PDE11A: variants seen among roughly 807,000 people sequenced by gnomAD.
PDE11A encodes the protein dual 3',5'-cyclic-AMP and -GMP phosphodiesterase 11A.
PDE11A carries 100 observed loss-of-function variants against 100.5 expected under a neutral mutation model. The ratio of observed to expected loss-of-function variants is 1.00; its 90% CI spans 0.85 to 1.18. The LOEUF is 1.18. Among genes scored for constraint, PDE11A ranks in the 50% most tolerant of loss-of-function variants. The pLI is 0.00. For synonymous variants in PDE11A, 381 were observed against 420.8 expected (o/e 0.91, Z 1.16); for missense variants, 1,141 against 1,152.6 (o/e 0.99, Z 0.15).
At chr2:177,776,772 A>G (rs1275592697) in intron 9 of PDE11A, among the ~76,000 whole-genome samples, 2 of 152,218 alleles carry the variant, frequency 1.3e-5, no homozygotes, top group Non-Finnish European at 2.9e-5. Flanking sequence ...TCTGCAAGCC[A>G]GAAAGATAGC....
intron 2 of PDE11A, among the ~76,000 whole-genome samples, chr2:178,004,630 GAA>G (rs1239253395): frequency 6.6e-6 from 1 of 152,184 alleles, no homozygotes; most frequent in Non-Finnish European, 1.5e-5. Context: ...ATAAATCAGA[GAA>G]GAGTTTATAA....
At chr2:178,024,043 G>A (rs2086446302) in intron 1 of PDE11A, among the ~76,000 whole-genome samples, 1 of 152,152 alleles carries the variant, frequency 6.6e-6, no homozygotes, top group Non-Finnish European at 1.5e-5. Context: ...TTGGTAGGGG[G>A]AGGGGCCCTG....
chr2:177,866,365 C>T, intron 5 of PDE11A, among the ~76,000 whole-genome samples: 1 of 152,180 alleles, frequency 6.6e-6, no homozygotes, highest in East Asian at 1.9e-4. Flanking sequence ...TTCCCATTGG[C>T]CAGGCAGTGA....
chr2:177,728,246 G>T, intron 10 of PDE11A, 74 bp from the exon 11 acceptor site: 2 of 1,337,398 alleles, frequency 1.5e-6, no homozygotes, highest in Non-Finnish European at 2.1e-6. Context: ...CTCCTCCCCT[G>T]CTTATCAGAA....
In PDE11A at chr2:177,876,106, T is replaced by G. The variant is rs147819357; in HGVS notation, c.1303-183A>C. On this transcript the variant is annotated intron_variant, in intron 4 of 19. Transcript: ENST00000286063. The stretch of plus-strand genomic sequence containing the variant: ...ATCCCATCCTACATCTTGTATCTTA[T>G]TTCTTACAAAGCATACATTGTCAAA... Among the ~76,000 whole-genome samples the G allele has an allele frequency of 5.9e-5, 9 of 152,362 alleles. No individual in the cohort carries two copies. In the East Asian group the frequency reaches 1.7e-3, roughly 29 times the overall value.
At chr2:177,716,298 A>G (rs1308768794) in intron 12 of PDE11A, among the ~76,000 whole-genome samples, 3 of 152,142 alleles carry the variant, frequency 2.0e-5, no homozygotes, top group Non-Finnish European at 4.4e-5. Context: ...CCCTCATTCC[A>G]CATCACCTAA....
intron 19 of PDE11A, among the ~76,000 whole-genome samples, chr2:177,634,388 C>T (rs58190094): frequency 0.25 from 15,060 of 60,970 alleles, 1,122 homozygotes; most frequent in South Asian, 0.48. Context: ...TTTTCTCTCT[C>T]TCTTTTTTTT....
intron 10 of PDE11A, among the ~76,000 whole-genome samples, chr2:177,762,755 G>C (rs1157116517): frequency 6.6e-6 from 1 of 152,190 alleles, no homozygotes; most frequent in Non-Finnish European, 1.5e-5. Flanking sequence ...GTGATCTTCT[G>C]GGGAGAGTGT....
At chr2:177,757,671 T>C (rs1014857821) in intron 10 of PDE11A, among the ~76,000 whole-genome samples, 16 of 152,124 alleles carry the variant, frequency 1.1e-4, no homozygotes, top group Non-Finnish European at 2.2e-4. Flanking sequence ...CTCTCACCTT[T>C]CGTGGGTGTG....
At chr2:177,860,104 A>C (rs2083919798) in intron 5 of PDE11A, among the ~76,000 whole-genome samples, 1 of 151,864 alleles carries the variant, frequency 6.6e-6, no homozygotes, top group Non-Finnish European at 1.5e-5. Context: ...GAAAGGACAT[A>C]ATAAAGACTA....
At chr2:178,049,813 G>A (rs570876499) in intron 1 of PDE11A, among the ~76,000 whole-genome samples, 2 of 152,266 alleles carry the variant, frequency 1.3e-5, no homozygotes, top group East Asian at 3.9e-4. Flanking sequence ...AGTGGTGCCC[G>A]CCATTGCTGA....
intron 4 of PDE11A, among the ~76,000 whole-genome samples, chr2:177,884,376 T>C (rs373672928): frequency 1.3e-5 from 2 of 152,192 alleles, no homozygotes; most frequent in African/African-American, 4.8e-5. Context: ...ATCTTTTTCT[T>C]TGAGATGTTC....
chr2:177,814,287 A>ATATT (rs35830357), intron 9 of PDE11A, among the ~76,000 whole-genome samples: 61,337 of 151,508 alleles, frequency 0.4, 14,214 homozygotes, highest in African/African-American at 0.64. Context: ...TTAAAAATAT[A>ATATT]TATTCAGAAG....
chr2:177,905,593 A>T (rs1470079383), intron 2 of PDE11A, among the ~76,000 whole-genome samples: 1 of 152,156 alleles, frequency 6.6e-6, no homozygotes, highest in African/African-American at 2.4e-5. Context: ...ATATAAGTCA[A>T]TTCTTTCGTT....
At chr2:178,057,839 A>G (rs188439859) in intron 1 of PDE11A, among the ~76,000 whole-genome samples, 1 of 152,232 alleles carries the variant, frequency 6.6e-6, no homozygotes, top group Admixed American at 6.5e-5. Context: ...TTGGCCTACA[A>G]GTGCCCTAGC....
chr2:177,879,364 T>C (rs771394920), intron 4 of PDE11A, among the ~76,000 whole-genome samples: 2 of 152,252 alleles, frequency 1.3e-5, no homozygotes, highest in Non-Finnish European at 2.9e-5. Flanking sequence ...GTTAAACAAA[T>C]CTTTGATACA....
chr2:177,988,948 A>G (rs2085971808), intron 2 of PDE11A, among the ~76,000 whole-genome samples: 1 of 152,226 alleles, frequency 6.6e-6, no homozygotes, highest in South Asian at 2.1e-4. Flanking sequence ...GCATCAAGAT[A>G]TGTGTGTTAT....
intron 2 of PDE11A, among the ~76,000 whole-genome samples, chr2:177,995,940 A>T (rs2086067378): frequency 2.0e-5 from 3 of 152,212 alleles, no homozygotes; most frequent in African/African-American, 7.2e-5. Flanking sequence ...TTGAAAATGC[A>T]GCCTAGCTGG....
At chr2:178,067,541 C>T (rs2087063907) in intron 1 of PDE11A, among the ~76,000 whole-genome samples, 1 of 152,142 alleles carries the variant, frequency 6.6e-6, no homozygotes, top group Admixed American at 6.5e-5. Flanking sequence ...GACTTGGAAT[C>T]ACTTCTCCCT....
Sources: gnomAD v4.1 joint callset for allele counts (sites outside exome capture counted in the v4.1 genomes callset) on GRCh38, gnomAD v4.1.1 for gene constraint, MANE v1.5 for transcripts, NCBI Gene and HGNC (gene_info 2026-07-23, HGNC 2026-07-21) for gene names.